MBNL1: variants seen among roughly 807,000 people sequenced by gnomAD.
MBNL1 encodes muscleblind like splicing regulator 1.
In MBNL1, 8 loss-of-function variants were observed where a neutral mutation model predicts 42.2. That is an observed-to-expected ratio of 0.19 (90% CI 0.11 to 0.34). The LOEUF (loss-of-function observed/expected upper bound fraction) is 0.34. Ranked by LOEUF, MBNL1 falls within the 10% of genes least tolerant of loss-of-function variation. MBNL1 has a pLI of 1.00. For synonymous variants in MBNL1, 169 were observed against 173.9 expected, an observed-to-expected ratio of 0.97 and a Z score of 0.22; for missense variants, 309 against 495.3, an observed-to-expected ratio of 0.62 and a Z score of 3.57.
intron 1 of MBNL1, among the ~76,000 whole-genome samples, chr3:152,279,646 G>A (rs906713838): frequency 1.3e-5 from 2 of 152,162 alleles, no homozygotes; most frequent in Admixed American, 1.3e-4. Context: ...ATGGTATGGA[G>A]TTGCAGTATC....
chr3:152,462,327 A>C (rs1287421046), intron 9 of MBNL1, 58 bp from the exon 10 acceptor site: 2 of 152,238 alleles, frequency 1.3e-5, no homozygotes. Context: ...AATGTATATT[A>C]GAAACTGCTT....
At chr3:152,249,456 A>G (rs62272726) in intron 2 of MBNL1, among the ~76,000 whole-genome samples, 11,382 of 58,904 alleles carry the variant, frequency 0.19, 1,040 homozygotes, top group Non-Finnish European at 0.23. Flanking sequence ...CCCACTTTTT[A>G]ATGGGGTTGT....
intron 2 of MBNL1, among the ~76,000 whole-genome samples, chr3:152,301,710 C>T (rs973897639): frequency 2.6e-5 from 4 of 152,122 alleles, no homozygotes; most frequent in Non-Finnish European, 5.9e-5. Context: ...TCACCCTTTC[C>T]TTTGAGAGGC....
At chr3:152,324,570 C>G (rs2078359118) in intron 2 of MBNL1, among the ~76,000 whole-genome samples, 1 of 152,196 alleles carries the variant, frequency 6.6e-6, no homozygotes, top group Non-Finnish European at 1.5e-5. Context: ...AACCATAGTT[C>G]TCTCCTAGAC....
At chr3:152,253,145 G>T (rs1451041491) in intron 2 of MBNL1, among the ~76,000 whole-genome samples, 1 of 152,068 alleles carries the variant, frequency 6.6e-6, no homozygotes, top group African/African-American at 2.4e-5. Flanking sequence ...TATACACTCA[G>T]ATGTTAAGAG....
At chr3:152,433,525 C>T (rs934015269) in intron 4 of MBNL1, among the ~76,000 whole-genome samples, 6 of 151,848 alleles carry the variant, frequency 4.0e-5, no homozygotes, top group African/African-American at 1.5e-4. Flanking sequence ...CCGAGGCGGG[C>T]GGATCACGAG....
chr3:152,463,117 T>C lies in MBNL1; in HGVS notation c.*751T>C, dbSNP rs1748319391. 1 of 151,696 alleles carries C rather than the reference T, an allele frequency of 6.6e-6. No individual in the cohort carries two copies. The highest frequency in any genetic ancestry group is 6.6e-5 in the Admixed American group (1 of 15,186). The allele number at this position is 151,696 out of a possible 1,614,324, so 9.4% of individuals were successfully genotyped here. ...CATTTTGTTGCATATTTGCTAGTACTAATCAGTCAAAGGGCACCATTCTTT... is the reference window on the plus strand; with the variant it reads ...CATTTTGTTGCATATTTGCTAGTACCAATCAGTCAAAGGGCACCATTCTTT... On this transcript the variant is annotated 3_prime_UTR_variant, in exon 10 of 10. Coordinates refer to ENST00000324210, the MANE Select transcript of MBNL1 (RefSeq NM_021038.5).
intron 2 of MBNL1, among the ~76,000 whole-genome samples, chr3:152,366,619 T>C (rs1263735235): frequency 1.3e-5 from 2 of 152,186 alleles, no homozygotes; most frequent in East Asian, 1.9e-4. Flanking sequence ...TTTGGAAATA[T>C]AATACTTTGA....
chr3:152,431,385 G>A (rs2099005011), intron 3 of MBNL1, among the ~76,000 whole-genome samples: 1 of 152,082 alleles, frequency 6.6e-6, no homozygotes, highest in South Asian at 2.1e-4. Context: ...TATAGAATCA[G>A]GGCCAGAGTG....
At chr3:152,361,172 T>C (rs1004521445) in intron 2 of MBNL1, among the ~76,000 whole-genome samples, 2 of 152,102 alleles carry the variant, frequency 1.3e-5, no homozygotes, top group Non-Finnish European at 2.9e-5. Context: ...ACCAGTTGTC[T>C]ACTCTGTGCT....
At chr3:152,291,562 C>T (rs1208915197) in intron 1 of MBNL1, among the ~76,000 whole-genome samples, 2 of 152,152 alleles carry the variant, frequency 1.3e-5, no homozygotes. Context: ...TAAGAAAAAT[C>T]TTCAGTTATA....
intron 4 of MBNL1, among the ~76,000 whole-genome samples, chr3:152,435,061 T>C (rs993458236): frequency 1.4e-5 from 2 of 143,924 alleles, no homozygotes; most frequent in African/African-American, 5.6e-5. Flanking sequence ...CATTTTTCCA[T>C]TTTTTTTTTT....
chr3:152,390,025 A>C (rs2097632851), intron 2 of MBNL1, among the ~76,000 whole-genome samples: 1 of 151,922 alleles, frequency 6.6e-6, no homozygotes, highest in Admixed American at 6.6e-5. Flanking sequence ...ACAGGCTGCC[A>C]TGCCTGGCTA....
chr3:152,416,198 G>A (rs2098699738), intron 3 of MBNL1, among the ~76,000 whole-genome samples: 1 of 152,084 alleles, frequency 6.6e-6, no homozygotes, highest in South Asian at 2.1e-4. Context: ...AAAAAGAGTG[G>A]GGGATTGCAT....
In MBNL1 at chr3:152,304,694, G is replaced by A. The variant is rs1210880540; in HGVS notation, c.174+4327G>A. 2.0e-5 allele frequency among the ~76,000 whole-genome samples: 3 copies of A among 152,302 alleles called. No individual in the cohort carries two copies. In the East Asian group the frequency reaches 5.8e-4, roughly 29 times the overall value. On this transcript the variant is annotated intron_variant, in intron 2 of 9. Transcript: ENST00000324210. Reference sequence around the variant, plus strand: ...TAAGGCATAACCTGCGCAGCAGTATGTTTCATATAAAAGGTCCCTAAGGAG... The same window carrying A: ...TAAGGCATAACCTGCGCAGCAGTATATTTCATATAAAAGGTCCCTAAGGAG...
intron 3 of MBNL1, among the ~76,000 whole-genome samples, chr3:152,426,405 ATTAT>A (rs1375218170): frequency 6.6e-6 from 1 of 152,166 alleles, no homozygotes; most frequent in Non-Finnish European, 1.5e-5. Context: ...TTTCCAAATT[ATTAT>A]TTTTACTTTG....
chr3:152,358,909 C>T (rs1368124092), intron 2 of MBNL1, among the ~76,000 whole-genome samples: 1 of 152,116 alleles, frequency 6.6e-6, no homozygotes, highest in African/African-American at 2.4e-5. Context: ...CGTGCCCAGC[C>T]TCATCTGGTT....
At chr3:152,369,052 A>G (rs2096549851) in intron 2 of MBNL1, among the ~76,000 whole-genome samples, 1 of 152,202 alleles carries the variant, frequency 6.6e-6, no homozygotes, top group African/African-American at 2.4e-5. Context: ...GCGATGCTGA[A>G]TAGGAGTGGT....
At chr3:152,378,134 C>G (rs1010275793) in intron 2 of MBNL1, among the ~76,000 whole-genome samples, 6 of 152,074 alleles carry the variant, frequency 3.9e-5, no homozygotes, top group Non-Finnish European at 1.5e-5. Flanking sequence ...GCCAGGAGAT[C>G]GAGACCAGCC....
Sources: gnomAD v4.1 joint callset for allele counts (sites outside exome capture counted in the v4.1 genomes callset) on GRCh38, gnomAD v4.1.1 for gene constraint, MANE v1.5 for transcripts, NCBI Gene and HGNC (gene_info 2026-07-23, HGNC 2026-07-21) for gene names.